Variants in TADA1 observed in about 807,000 individuals in gnomAD.
The protein encoded by TADA1 is transcriptional adaptor 1, also known as transcriptional adapter 1.
Under a neutral mutation model 39.3 loss-of-function variants are expected in TADA1, and 23 were observed. The observed-to-expected ratio is 0.58, with a 90% confidence interval of 0.42 to 0.83. The LOEUF is 0.83. Among genes scored for constraint, TADA1 ranks in the 40% least tolerant of loss-of-function variants. The pLI, the probability that TADA1 is intolerant of heterozygous loss-of-function variation, is 0.00. For missense variants in TADA1, 352 were observed against 408.1 expected (o/e 0.86, Z 1.18); for synonymous variants, 137 against 151.8 (o/e 0.90, Z 0.72).
At chr1:166,864,967 T>G (rs1047524729) in intron 3 of TADA1, among the ~76,000 whole-genome samples, 1 of 152,208 alleles carries the variant, frequency 6.6e-6, no homozygotes, top group South Asian at 2.1e-4. Context: ...CCTGTCAGCT[T>G]ACTCTAAAGC....
At chr1:166,867,309 G>A (rs1220042162) in intron 3 of TADA1, among the ~76,000 whole-genome samples, 1 of 152,086 alleles carries the variant, frequency 6.6e-6, no homozygotes, top group Non-Finnish European at 1.5e-5. Context: ...TCACAATATT[G>A]GCTTTTCTGA....
At position 166,857,369 on chromosome 1, in the gene TADA1, A is replaced by T. The variant is rs1415797115; in HGVS notation, c.*198T>A. On this transcript the variant is annotated 3_prime_UTR_variant, in exon 8 of 8. Coordinates refer to ENST00000367874, the MANE Select transcript of TADA1 (RefSeq NM_053053.4). ...TGCTCCCACAACTGGGAACACATAC[A>T]TATAGAGATATGGGTCATTACCAAA... is the stretch of plus-strand genomic sequence containing the variant. 1.6e-6 allele frequency: 1 copy of T among 606,822 alleles called. No homozygotes were observed. The highest frequency in any genetic ancestry group is 1.9e-5 in the African/African-American group (1 of 53,722). The allele number at this position is 606,822 out of a possible 1,614,324, so 37.6% of individuals were successfully genotyped here.
chr1:166,869,912 G>T lies in TADA1; in HGVS notation c.75-58C>A, dbSNP rs1342715556. On this transcript the variant is annotated intron_variant, in intron 1 of 7. Coordinates refer to ENST00000367874, the MANE Select transcript of TADA1 (RefSeq NM_053053.4). ...GATTTGGCTGCTTCTAGTTTTTTTT[G>T]TTTGTTTTGTTTTTTTAAAGAGACG... is the stretch of plus-strand genomic sequence containing the variant. The T allele has an allele frequency of 1.4e-5, 20 of 1,453,452 alleles. No homozygotes were observed. In the African/African-American group the frequency reaches 2.0e-4, roughly 14 times the overall value. The allele number at this position is 1,453,452 out of a possible 1,614,324, so 90.0% of individuals were successfully genotyped here. A position where few individuals can be genotyped will look rare whatever the true frequency, so the allele number is the denominator to read the frequency against.
chr1:166,862,077 T>G, intron 5 of TADA1, 126 bp downstream of exon 5: 4 of 1,003,772 alleles, frequency 4.0e-6, no homozygotes, highest in Non-Finnish European at 5.9e-6. Flanking sequence ...GAAAACAACT[T>G]CAACAATGAC....
intron 1 of TADA1, among the ~76,000 whole-genome samples, chr1:166,873,762 A>G (rs1277730617): frequency 1.3e-5 from 2 of 152,206 alleles, no homozygotes; most frequent in Non-Finnish European, 2.9e-5. Flanking sequence ...CACACTCCAG[A>G]TGCACCAAAT....
chr1:166,873,218 C>T (rs1389071606), intron 1 of TADA1, among the ~76,000 whole-genome samples: 1 of 152,134 alleles, frequency 6.6e-6, no homozygotes, highest in Non-Finnish European at 1.5e-5. Flanking sequence ...TTGCAGTGAG[C>T]CGAGATCGCA....
chr1:166,860,532 G>C (rs552245999), intron 5 of TADA1, among the ~76,000 whole-genome samples, 195 bp from the exon 6 acceptor site: 2 of 152,314 alleles, frequency 1.3e-5, no homozygotes, highest in East Asian at 3.9e-4. Flanking sequence ...GGGAAAGAGG[G>C]GGACATGCTT....
At chr1:166,868,202 G>A (rs948008731) in intron 3 of TADA1, among the ~76,000 whole-genome samples, 8 of 152,156 alleles carry the variant, frequency 5.3e-5, no homozygotes, top group Non-Finnish European at 1.2e-4. Context: ...GTTTTTGACT[G>A]ATTAAAATAA....
Position 166,857,633 on chromosome 1 carries a change from T to A in TADA1, c.942A>T (p.Glu314Asp), listed in dbSNP as rs1658307548. The stretch of plus-strand genomic sequence containing the variant: ...GGTGAACTTTGTCTTGCTGCAGCTC[T>A]TCATGATTTGGATGCCAGAGTTTCG... ...IITKLWHPNHEELQQDKVHRQ... is the reference protein window; with the variant it reads ...IITKLWHPNHDELQQDKVHRQ... The change falls in exon 8 of 8, where the codon GAA becomes GAT. Residue 314 changes from glutamate to aspartate, a missense_variant. Glu to Asp is a conservative substitution (Grantham distance 45, BLOSUM62 2). Around this residue, in one of 3 missense-constraint regions of TADA1, gnomAD observed 285 missense variants for 310.9 expected, o/e 0.92. Coordinates refer to ENST00000367874, the MANE Select transcript of TADA1 (RefSeq NM_053053.4). 1 of 1,614,208 alleles carries A rather than the reference T, an allele frequency of 6.2e-7. No homozygotes were observed. The highest frequency in any genetic ancestry group is 8.5e-7 in the Non-Finnish European group (1 of 1,180,038).
rs1658283535 is a variant in TADA1, at chr1:166,856,595, A to G, written c.*972T>C. ...ATATGTGAACCATATATACATATCT[A>G]TACAACCATTATTTAGACTTTCACA... is the stretch of plus-strand genomic sequence containing the variant. On this transcript the variant is annotated 3_prime_UTR_variant, in exon 8 of 8. Coordinates refer to ENST00000367874, the MANE Select transcript of TADA1 (RefSeq NM_053053.4). 1 of 152,648 alleles carries G rather than the reference A, an allele frequency of 6.6e-6. No homozygotes were observed. The highest frequency in any genetic ancestry group is 2.1e-4 in the South Asian group (1 of 4,836). 9.5% of individuals were successfully genotyped at this position (152,648 alleles called of 1,614,324 possible).
rs923060255 is a variant in TADA1 at position 166,866,301 on chromosome 1, CTTTTG to C, written c.233-2385_233-2381del. ...TGGATAAGGCCTAAGGCAAGTTTTT[CTTTTG>C]TTTTGTTTTCTCTTCTCTTAATTTT... On this transcript the variant is annotated intron_variant, in intron 3 of 7. Coordinates refer to ENST00000367874, the MANE Select transcript of TADA1 (RefSeq NM_053053.4). 2.7e-4 allele frequency among the ~76,000 whole-genome samples: 41 copies of C among 152,178 alleles called. 1 individual carries two copies. The highest frequency in any genetic ancestry group is 9.4e-4 in the African/African-American group (39 of 41,456).
At position 166,862,300 on chromosome 1, in the gene TADA1, C is replaced by T. The variant is rs1394928362; in HGVS notation, c.443G>A (p.Arg148Gln). The T allele has an allele frequency of 1.9e-6, 3 of 1,614,128 alleles. No individual in the cohort carries two copies. Among genetic ancestry groups the T allele is most frequent in the Admixed American group, 1.7e-5 (1 of 60,024 alleles). ...LCSHTMMLPT[R>Q]GQLEGRMIVT... The stretch of plus-strand genomic sequence containing the variant: ...TATCATTCTCCCTTCAAGCTGGCCT[C>T]GAGTGGGAAGCATCATTGTGTGGGA... The change falls in exon 5 of 8, where the codon CGA becomes CAA. Residue 148 changes from arginine (R) to glutamine (Q), a missense_variant. Arg to Gln is a conservative substitution (Grantham distance 43). Transcript: ENST00000367874.
intron 2 of TADA1, 22 bp downstream of exon 2, chr1:166,869,741 A>C: frequency 6.3e-7 from 1 of 1,591,182 alleles, no homozygotes; most frequent in South Asian, 1.1e-5. Flanking sequence ...TAGTAAAATA[A>C]CTCTGCAGAT....
intron 4 of TADA1, chr1:166,862,999 ATT>A (rs1358612224): frequency 6.5e-6 from 1 of 154,536 alleles, no homozygotes; most frequent in African/African-American, 2.4e-5. Context: ...CCTCAGGGAG[ATT>A]CTGATAGCCC....
intron 1 of TADA1, among the ~76,000 whole-genome samples, chr1:166,871,930 A>C (rs1431083940): frequency 6.6e-6 from 1 of 152,252 alleles, no homozygotes; most frequent in East Asian, 1.9e-4. Flanking sequence ...GTATATTTGG[A>C]AAGAGTGAAC....
chr1:166,873,026 T>A (rs542071549), intron 1 of TADA1, among the ~76,000 whole-genome samples: 97 of 152,326 alleles, frequency 6.4e-4, no homozygotes, highest in Non-Finnish European at 1.2e-3. Context: ...CCTGGCATTT[T>A]GGGAGCCCAA....
chr1:166,869,535 T>C (rs539941269), intron 2 of TADA1, 25 bp from the exon 3 acceptor site: 1 of 1,609,524 alleles, frequency 6.2e-7, no homozygotes, highest in Admixed American at 1.7e-5. Flanking sequence ...ATAGTGACAA[T>C]CAAATTCAAA....
intron 1 of TADA1, among the ~76,000 whole-genome samples, chr1:166,873,744 TG>T (rs1658706145): frequency 1.3e-5 from 2 of 152,234 alleles, no homozygotes; most frequent in South Asian, 4.1e-4. Flanking sequence ...TGCATTTTAG[TG>T]GGGATTCACA....
chr1:166,874,477 G>A (rs1489459922), intron 1 of TADA1, among the ~76,000 whole-genome samples: 1 of 151,912 alleles, frequency 6.6e-6, no homozygotes, highest in South Asian at 2.1e-4. Context: ...CATCAATATC[G>A]AAAGACAATT....
Sources: gnomAD v4.1 joint callset for allele counts (sites outside exome capture counted in the v4.1 genomes callset) on GRCh38, gnomAD v4.1.1 for gene constraint, gnomAD v4.1.1 regional missense constraint, MANE v1.5 for transcripts, NCBI Gene and HGNC (gene_info 2026-07-23, HGNC 2026-07-21) for gene names.